BLOC1S6: variants seen among roughly 807,000 people sequenced by gnomAD.
BLOC1S6 encodes biogenesis of lysosomal organelles complex 1 subunit 6, also known as biogenesis of lysosome-related organelles complex 1 subunit 6.
BLOC1S6 carries 24 observed loss-of-function variants against 24.7 expected under a neutral mutation model. The observed-to-expected ratio is 0.97, with a 90% CI of 0.70 to 1.37. The LOEUF (loss-of-function observed/expected upper bound fraction) is 1.37. Among genes scored for constraint, BLOC1S6 ranks in the 40% most tolerant of loss-of-function variants. The probability of loss-of-function intolerance (pLI) is 0.00; values close to 1 mark genes in which losing one functional copy is unlikely to be tolerated. For synonymous variants in BLOC1S6, 76 were observed against 72.6 expected, an observed-to-expected ratio of 1.05 and a Z score of -0.23; for missense variants, 175 against 196.2, an observed-to-expected ratio of 0.89 and a Z score of 0.64.
chr15:45,603,219 A>T, intron 3 of BLOC1S6, 32 bp downstream of exon 3: 1 of 1,424,974 alleles, frequency 7.0e-7, no homozygotes, highest in Non-Finnish European at 9.9e-7. Context: ...TAATTTAATG[A>T]CATCTTGTCT....
At position 45,587,443 on chromosome 15, in the gene BLOC1S6, C is replaced by T; in HGVS notation, c.-1C>T. 1 of 1,576,752 alleles carries T rather than the reference C, an allele frequency of 6.3e-7. No individual in the cohort carries two copies. The highest frequency in any genetic ancestry group is 8.6e-7 in the Non-Finnish European group (1 of 1,160,452). On this transcript the variant is annotated 5_prime_UTR_variant, in exon 1 of 5. Coordinates refer to ENST00000220531, the MANE Select transcript of BLOC1S6 (RefSeq NM_012388.4). ...TTCCCTGTGTTCCCAGCTGGAGGGACATGAGTGTCCCTGGGCCGTCGTCTC... is the reference window on the plus strand; with the variant it reads ...TTCCCTGTGTTCCCAGCTGGAGGGATATGAGTGTCCCTGGGCCGTCGTCTC...
At chr15:45,595,694 G>A (rs1368874458) in intron 2 of BLOC1S6, among the ~76,000 whole-genome samples, 1 of 152,096 alleles carries the variant, frequency 6.6e-6, no homozygotes. Context: ...GCTTTTGGTA[G>A]TGTGTCTAAA....
Position 45,605,439 on chromosome 15 carries a change from T to C in BLOC1S6, c.324T>C (p.Ala108=), listed in dbSNP as rs2140918962. 1 of 1,611,282 alleles carries C rather than the reference T, an allele frequency of 6.2e-7. No individual in the cohort carries two copies. The highest frequency in any genetic ancestry group is 2.2e-5 in the East Asian group (1 of 44,772). The change falls in exon 4 of 5, where the codon GCT becomes GCC. Residue 108 remains alanine, a synonymous_variant. Coordinates refer to ENST00000220531, the MANE Select transcript of BLOC1S6 (RefSeq NM_012388.4). The part of the protein sequence containing the change: ...MLDINALFAE[A]KHYHAKLVNI... The stretch of plus-strand genomic sequence containing the variant: ...TTTTCCATGTTAAGTTTGCTGAGGC[T>C]AAACACTATCATGCCAAGTTGGTGA...
chr15:45,592,296 G>T lies in BLOC1S6; in HGVS notation c.224+20G>T. ...ACTCACGTAAGCTAATAAAAAACCA[G>T]ATATACACTCATTTCCTCTGTGGCA... On this transcript the variant is annotated intron_variant, in intron 2 of 4. Coordinates refer to ENST00000220531, the MANE Select transcript of BLOC1S6 (RefSeq NM_012388.4). 6.2e-7 allele frequency: 1 copy of T among 1,612,670 alleles called. No homozygotes were observed.
In BLOC1S6 at chr15:45,607,240, G is replaced by A. The variant is rs1172981368; in HGVS notation, c.*726G>A. 6.6e-6 allele frequency: 1 copy of A among 152,258 alleles called. No individual in the cohort carries two copies. Among genetic ancestry groups the A allele is most frequent in the Non-Finnish European group, 1.5e-5 (1 of 68,082 alleles). The allele number at this position is 152,258 out of a possible 1,614,324, so 9.4% of individuals were successfully genotyped here. A position where few individuals can be genotyped will look rare whatever the true frequency, so the allele number is the denominator to read the frequency against. ...TACGGGAAATAACAGCACTTTAGGT[G>A]TAGTTCAGGTGAGCAAGATGCCAGA... On this transcript the variant is annotated 3_prime_UTR_variant, in exon 5 of 5. Coordinates refer to ENST00000220531, the MANE Select transcript of BLOC1S6 (RefSeq NM_012388.4).
At chr15:45,592,790 T>C (rs541070632) in intron 2 of BLOC1S6, among the ~76,000 whole-genome samples, 1 of 152,280 alleles carries the variant, frequency 6.6e-6, no homozygotes, top group East Asian at 1.9e-4. Context: ...ACAGAACCCA[T>C]AGAGTGGGAT....
At chr15:45,598,138 C>A (rs1894145570) in intron 2 of BLOC1S6, 1 of 154,958 alleles carries the variant, frequency 6.5e-6, no homozygotes, top group Non-Finnish European at 1.4e-5. Context: ...TTCAACAACC[C>A]TTCATGCTAA....
At chr15:45,596,418 G>A (rs1894080090) in intron 2 of BLOC1S6, among the ~76,000 whole-genome samples, 1 of 149,612 alleles carries the variant, frequency 6.7e-6, no homozygotes, top group African/African-American at 2.5e-5. Flanking sequence ...GGCTGGTCTT[G>A]AATTCCTAGG....
chr15:45,608,914 T>A lies in BLOC1S6; in HGVS notation c.*2400T>A, dbSNP rs1466354071. On this transcript the variant is annotated 3_prime_UTR_variant, in exon 5 of 5. Transcript: ENST00000220531. ...AGTCAGACTTAAGACTGAACCCCAG[T>A]AGACAGGCAATAGATATAGAATTCT... 1 of 152,176 alleles carries A rather than the reference T, an allele frequency of 6.6e-6. No homozygotes were observed. Among genetic ancestry groups the A allele is most frequent in the Non-Finnish European group, 1.5e-5 (1 of 68,032 alleles). The allele number at this position is 152,176 out of a possible 1,614,324, so 9.4% of individuals were successfully genotyped here. A position where few individuals can be genotyped will look rare whatever the true frequency, so the allele number is the denominator to read the frequency against.
In BLOC1S6 at chr15:45,605,500, AC is replaced by A. The variant is rs1429798463; in HGVS notation, c.386del (p.Thr129AsnfsTer4). 6.2e-7 allele frequency: 1 copy of A among 1,608,702 alleles called. No individual in the cohort carries two copies. ...RKEMLMLHEKTSKLKKRALKL... is the reference protein window; with the variant it reads ...RKEMLMLHEKXSKLKKRALKL... The stretch of plus-strand genomic sequence containing the variant: ...AGAGATGCTGATGCTTCATGAAAAA[AC>A]ATCAAAGTTAAAAGTGAGTTGAAAA... On this transcript the variant is annotated frameshift_variant, in exon 4 of 5. Coordinates refer to ENST00000220531, the MANE Select transcript of BLOC1S6 (RefSeq NM_012388.4). LOFTEE classifies it high-confidence loss of function.
At chr15:45,606,061 C>T in intron 4 of BLOC1S6, among the ~76,000 whole-genome samples, 1 of 152,186 alleles carries the variant, frequency 6.6e-6, no homozygotes, top group East Asian at 1.9e-4. Flanking sequence ...TGGCCTCGAC[C>T]TCCCTAAGTG....
At chr15:45,587,548 C>T in intron 1 of BLOC1S6, 23 bp downstream of exon 1, 9 of 1,553,890 alleles carry the variant, frequency 5.8e-6, no homozygotes, top group Non-Finnish European at 7.8e-6. Flanking sequence ...GGGTGGGAAG[C>T]GCGGCCCGGG....
chr15:45,602,242 A>G (rs1263388157), intron 2 of BLOC1S6: 8 of 552,520 alleles, frequency 1.4e-5, no homozygotes, highest in Admixed American at 6.4e-5. Context: ...TCAGTGCTGG[A>G]TAGTAGAGAT....
rs779690168 is a variant in BLOC1S6 at position 45,606,431 on chromosome 15, G to T, written c.436G>T (p.Glu146Ter). The T allele has an allele frequency of 6.2e-7, 1 of 1,614,056 alleles. No homozygotes were observed. Among genetic ancestry groups the T allele is most frequent in the South Asian group, 1.1e-5 (1 of 91,080 alleles). ...ALKLQQKRQK[E>*]ELEREQQREK... ...TAAACTGCAGCAGAAGAGGCAAAAA[G>T]AAGAGTTGGAAAGGGAGCAGCAACG... The change falls in exon 5 of 5, where the codon GAA becomes TAA. Residue 146 changes from glutamate to a stop codon, truncating the protein, a stop_gained. Coordinates refer to ENST00000220531, the MANE Select transcript of BLOC1S6 (RefSeq NM_012388.4). LOFTEE classifies it high-confidence loss of function.
At position 45,608,973 on chromosome 15, in the gene BLOC1S6, A is replaced by G. The variant is rs748461591; in HGVS notation, c.*2459A>G. The G allele has an allele frequency of 1.3e-5, 2 of 152,218 alleles. No individual in the cohort carries two copies. The highest frequency in any genetic ancestry group is 2.9e-5 in the Non-Finnish European group (2 of 68,034). 9.4% of individuals were successfully genotyped at this position (152,218 alleles called of 1,614,324 possible). Reference sequence around the variant, plus strand: ...AATTGAACTTTTGTGACCTGTTTAAAAACAAATCAAATTTATTGAACAAAT... The same window carrying G: ...AATTGAACTTTTGTGACCTGTTTAAGAACAAATCAAATTTATTGAACAAAT... On this transcript the variant is annotated 3_prime_UTR_variant, in exon 5 of 5. Coordinates refer to ENST00000220531, the MANE Select transcript of BLOC1S6 (RefSeq NM_012388.4).
intron 1 of BLOC1S6, chr15:45,587,990 C>G: frequency 5.3e-6 from 3 of 569,096 alleles, no homozygotes; most frequent in East Asian, 3.0e-5. Context: ...GGGATTTAAG[C>G]TCTAATGCCC....
chr15:45,593,335 G>A (rs1893951248), intron 2 of BLOC1S6, among the ~76,000 whole-genome samples: 2 of 141,288 alleles, frequency 1.4e-5, no homozygotes, highest in South Asian at 4.6e-4. Flanking sequence ...GGTGAGCTGA[G>A]ATCTGCACCA....
intron 4 of BLOC1S6, chr15:45,605,724 G>T: frequency 2.1e-6 from 1 of 465,388 alleles, no homozygotes; most frequent in Non-Finnish European, 3.9e-6. Flanking sequence ...CAGGTAGCTG[G>T]GATTACAGGT....
intron 2 of BLOC1S6, among the ~76,000 whole-genome samples, chr15:45,601,887 T>TTTA (rs1184230865): frequency 6.6e-6 from 1 of 152,012 alleles, no homozygotes. Context: ...TATTTATTTA[T>TTTA]TTATATTTGT....
Sources: allele counts gnomAD v4.1 joint callset (sites outside exome capture counted in the v4.1 genomes callset), GRCh38; gene constraint gnomAD v4.1.1; transcripts MANE v1.5; gene names NCBI Gene and HGNC (gene_info 2026-07-23, HGNC 2026-07-21).